Variants in GSE1 observed in about 807,000 individuals in gnomAD.
GSE1 encodes the protein Gse1 coiled-coil protein, also known as genetic suppressor element 1.
GSE1 carries 32 observed loss-of-function variants against 112.6 expected under a neutral mutation model. The ratio of observed to expected loss-of-function variants is 0.28; its 90% CI spans 0.21 to 0.38. The LOEUF (loss-of-function observed/expected upper bound fraction) is 0.38, where lower values mean the gene tolerates loss of function less well. Ranked by LOEUF, GSE1 falls within the 10% of genes least tolerant of loss-of-function variation. The pLI, the probability that GSE1 is intolerant of heterozygous loss-of-function variation, is 1.00. For synonymous variants in GSE1, 1,115 were observed against 735.6 expected, an observed-to-expected ratio of 1.52 and a Z score of -8.35; for missense variants, 2,348 against 1,699.2, an observed-to-expected ratio of 1.38 and a Z score of -6.71.
chr16:85,197,954 C>G (rs2074959531), intron 1 of GSE1, among the ~76,000 whole-genome samples: 3 of 152,148 alleles, frequency 2.0e-5, no homozygotes, highest in African/African-American at 4.8e-5. Context: ...GCACGCAGGG[C>G]AATTCCTAGA....
At chr16:85,466,476 A>G (rs1336082142) in intron 2 of GSE1, among the ~76,000 whole-genome samples, 1 of 152,190 alleles carries the variant, frequency 6.6e-6, no homozygotes, top group African/African-American at 2.4e-5. Flanking sequence ...CCTGGCGCAC[A>G]CTGGCAGCTG....
chr16:85,242,494 A>C (rs898193099), intron 1 of GSE1, among the ~76,000 whole-genome samples: 1 of 152,344 alleles, frequency 6.6e-6, no homozygotes, highest in East Asian at 1.9e-4. Context: ...GCCACTTTGC[A>C]CTGGTCCTTC....
intron 1 of GSE1, among the ~76,000 whole-genome samples, chr16:85,274,779 C>T (rs1178524815): frequency 1.3e-5 from 2 of 152,372 alleles, no homozygotes; most frequent in African/African-American, 2.4e-5. Context: ...CAGCCACTGG[C>T]ACCTGCCCCC....
intron 3 of GSE1, among the ~76,000 whole-genome samples, chr16:85,652,934 C>T (rs964488421): frequency 5.3e-5 from 8 of 151,866 alleles, no homozygotes; most frequent in African/African-American, 1.9e-4. Context: ...CAGTCGTTAC[C>T]TGACATGGCC....
At chr16:85,256,244 A>G (rs1490927159) in intron 1 of GSE1, among the ~76,000 whole-genome samples, 2 of 152,130 alleles carry the variant, frequency 1.3e-5, no homozygotes, top group African/African-American at 4.8e-5. Flanking sequence ...GGGGAAAACA[A>G]CCCAACAAAC....
chr16:85,487,045 G>A (rs1055865687), intron 2 of GSE1, among the ~76,000 whole-genome samples: 1 of 152,166 alleles, frequency 6.6e-6, no homozygotes, highest in Admixed American at 6.5e-5. Flanking sequence ...ATACAGGGAG[G>A]CCTTGGGCCA....
intron 2 of GSE1, among the ~76,000 whole-genome samples, chr16:85,369,466 C>T (rs1261323662): frequency 1.3e-5 from 2 of 152,084 alleles, no homozygotes; most frequent in Non-Finnish European, 2.9e-5. Flanking sequence ...TCCTCCCTCC[C>T]AAAGCAGTCC....
chr16:85,182,186 G>A (rs1466091902), intron 1 of GSE1, among the ~76,000 whole-genome samples: 1 of 151,716 alleles, frequency 6.6e-6, no homozygotes, highest in African/African-American at 2.4e-5. Context: ...CCAGGAGTCC[G>A]GGTAGTCTGG....
intron 1 of GSE1, among the ~76,000 whole-genome samples, chr16:85,270,225 C>T (rs1374583992): frequency 6.7e-6 from 1 of 148,934 alleles, no homozygotes; most frequent in African/African-American, 2.4e-5. Flanking sequence ...CCTGCCACAG[C>T]ACAACTCTGC....
intron 2 of GSE1, among the ~76,000 whole-genome samples, chr16:85,512,956 A>G (rs1276440270): frequency 6.6e-6 from 1 of 151,956 alleles, no homozygotes; most frequent in African/African-American, 2.4e-5. Flanking sequence ...TGCCCACCAC[A>G]CTTTATCTGA....
chr16:85,658,063 A>G (rs980762193), intron 8 of GSE1, among the ~76,000 whole-genome samples: 2 of 152,214 alleles, frequency 1.3e-5, no homozygotes, highest in Non-Finnish European at 2.9e-5. Context: ...ATTAATAGTA[A>G]AAACACATGC....
At chr16:85,452,965 G>T (rs2049728139) in intron 2 of GSE1, among the ~76,000 whole-genome samples, 1 of 152,202 alleles carries the variant, frequency 6.6e-6, no homozygotes, top group South Asian at 2.1e-4. Flanking sequence ...GAGCTTTCTG[G>T]CTTCTCTGGC....
chr16:85,170,220 C>T, exon 1 of GSE1: 1 of 985,398 alleles, frequency 1.0e-6, no homozygotes, highest in South Asian at 4.7e-5. Context: ...CGCAGGGGCG[C>T]GCGGAGGAGG....
At chr16:85,337,353 T>G (rs1270255455) in intron 1 of GSE1, among the ~76,000 whole-genome samples, 1,323 of 103,876 alleles carry the variant, frequency 0.013, no homozygotes, top group African/African-American at 0.015. Context: ...TCGCCCAGGC[T>G]GGAGTGCAGT....
At chr16:85,599,163 C>T (rs949764852) in intron 1 of GSE1, among the ~76,000 whole-genome samples, 8 of 152,224 alleles carry the variant, frequency 5.3e-5, no homozygotes, top group East Asian at 3.8e-4. Context: ...TTGAGTTACC[C>T]GGCGCTTCCT....
At chr16:85,314,839 G>A (rs2045954373) in intron 1 of GSE1, among the ~76,000 whole-genome samples, 1 of 152,182 alleles carries the variant, frequency 6.6e-6, no homozygotes. Context: ...AAGGCCTCTT[G>A]GAGAGGAGAC....
intron 1 of GSE1, among the ~76,000 whole-genome samples, chr16:85,339,265 G>C (rs1485867558): frequency 2.6e-5 from 4 of 152,226 alleles, no homozygotes; most frequent in Non-Finnish European, 5.9e-5. Flanking sequence ...TGGATGCCAA[G>C]CTGGCTGACC....
intron 2 of GSE1, among the ~76,000 whole-genome samples, chr16:85,444,823 C>T (rs1266868280): frequency 6.6e-6 from 1 of 152,160 alleles, no homozygotes; most frequent in South Asian, 2.1e-4. Flanking sequence ...TCCGCCCCCT[C>T]CAGCCTCCAA....
intron 2 of GSE1, among the ~76,000 whole-genome samples, chr16:85,421,086 T>C (rs1457524527): frequency 1.3e-5 from 2 of 152,088 alleles, no homozygotes; most frequent in Non-Finnish European, 2.9e-5. Context: ...TTAAATGAAT[T>C]GATATGTTTG....
Sources: gnomAD v4.1 joint callset for allele counts (sites outside exome capture counted in the v4.1 genomes callset) on GRCh38, gnomAD v4.1.1 for gene constraint, MANE v1.5 for transcripts, NCBI Gene and HGNC (gene_info 2026-07-23, HGNC 2026-07-21) for gene names.